Variants in MICAL3 observed in about 807,000 individuals in gnomAD.
MICAL3 encodes the protein [F-actin]-monooxygenase MICAL3.
MICAL3 carries 62 observed loss-of-function variants against 207.4 expected under a neutral mutation model. That is an observed-to-expected ratio of 0.30 (90% confidence interval 0.24 to 0.37). The LOEUF (loss-of-function observed/expected upper bound fraction) is 0.37. Ranked by LOEUF, MICAL3 falls within the 10% of genes least tolerant of loss-of-function variation. MICAL3 has a pLI of 1.00. For missense variants in MICAL3, 2,368 were observed against 2,635.6 expected (o/e 0.90, Z 2.22); for synonymous variants, 1,077 against 1,069.3 (o/e 1.01, Z -0.14).
chr22:17,987,951 C>T lies in MICAL3; in HGVS notation c.-75+36330G>A, dbSNP rs1275833964. On this transcript the variant is annotated intron_variant, in intron 1 of 31. Coordinates refer to ENST00000441493, the MANE Select transcript of MICAL3 (RefSeq NM_015241.3). Reference sequence around the variant, plus strand: ...GAAATTATATCAAAATAGAGTTGCCCTAAAGGTGGCTACCTGTGGCTCCAC... The same window carrying T: ...GAAATTATATCAAAATAGAGTTGCCTTAAAGGTGGCTACCTGTGGCTCCAC... Among the ~76,000 whole-genome samples the T allele has an allele frequency of 5.3e-5, 8 of 152,090 alleles. No individual in the cohort carries two copies. In the East Asian group the frequency reaches 1.5e-3, roughly 29 times the overall value.
chr22:17,989,898 T>C (rs1921469969), intron 1 of MICAL3, among the ~76,000 whole-genome samples: 1 of 152,190 alleles, frequency 6.6e-6, no homozygotes, highest in Non-Finnish European at 1.5e-5. Flanking sequence ...ACACCATCTA[T>C]GCCTATTTCA....
chr22:17,836,600 C>CATGAAAGA (rs903460734), intron 20 of MICAL3, among the ~76,000 whole-genome samples: 8 of 151,544 alleles, frequency 5.3e-5, no homozygotes, highest in African/African-American at 1.9e-4. Context: ...CAGACCCTAC[C>CATGAAAGA]ATGAAAGAGC....
intron 1 of MICAL3, among the ~76,000 whole-genome samples, chr22:17,925,655 T>C (rs1400054729): frequency 2.0e-5 from 3 of 152,152 alleles, no homozygotes; most frequent in Non-Finnish European, 4.4e-5. Flanking sequence ...ACCTGGAAAC[T>C]TAAACAATTT....
At chr22:17,798,767 G>A (rs552794928) in intron 29 of MICAL3, among the ~76,000 whole-genome samples, 146 of 145,872 alleles carry the variant, frequency 1.0e-3, no homozygotes, top group Non-Finnish European at 1.7e-3. Context: ...TCCGCCTCCC[G>A]GGTTCACGTC....
intron 3 of MICAL3, among the ~76,000 whole-genome samples, chr22:17,904,277 C>A (rs1931552331): frequency 6.6e-6 from 1 of 152,244 alleles, no homozygotes; most frequent in Non-Finnish European, 1.5e-5. Flanking sequence ...GCAAGAAGGA[C>A]CACCAGAGGG....
intron 1 of MICAL3, among the ~76,000 whole-genome samples, chr22:17,931,884 AC>A (rs1295485248): frequency 5.1e-4 from 77 of 151,186 alleles, no homozygotes; most frequent in African/African-American, 1.8e-3. Flanking sequence ...TTCATTTGGC[AC>A]ATTATTTATT....
chr22:18,006,845 C>A (rs438004), intron 1 of MICAL3, among the ~76,000 whole-genome samples: 87,007 of 151,890 alleles, frequency 0.57, 26,077 homozygotes, highest in East Asian at 0.92. Context: ...CACACACACA[C>A]AAAAAAATTC....
At chr22:17,852,462 A>G (rs1324783539) in intron 19 of MICAL3, among the ~76,000 whole-genome samples, 2 of 152,212 alleles carry the variant, frequency 1.3e-5, no homozygotes, top group Admixed American at 6.5e-5. Context: ...GAGAGGCTCT[A>G]AACAAGCAGA....
intron 16 of MICAL3, chr22:17,875,642 A>T: frequency 1.7e-6 from 1 of 583,614 alleles, no homozygotes; most frequent in Non-Finnish European, 2.9e-6. Flanking sequence ...ATGGTTGTAG[A>T]GCCTTTTACT....
In MICAL3 at chr22:17,872,031, A is replaced by G. The variant is rs1441033255; in HGVS notation, c.2242-8T>C. 1.3e-6 allele frequency: 2 copies of G among 1,594,270 alleles called. No homozygotes were observed. Among genetic ancestry groups the G allele is most frequent in the Non-Finnish European group, 1.7e-6 (2 of 1,170,506 alleles). On this transcript the variant is annotated splice_region_variant and splice_polypyrimidine_tract_variant and intron_variant, in intron 16 of 31. Transcript: ENST00000441493. Reference sequence around the variant, plus strand: ...CTCCTTCTTCATGGAGCCCTGCAGGAGGTGGCGGTCGGGAGGAAGGGGAGC... The same window carrying G: ...CTCCTTCTTCATGGAGCCCTGCAGGGGGTGGCGGTCGGGAGGAAGGGGAGC...
chr22:17,990,541 G>A (rs1200402277), intron 1 of MICAL3, among the ~76,000 whole-genome samples: 2 of 152,154 alleles, frequency 1.3e-5, no homozygotes, highest in African/African-American at 4.8e-5. Flanking sequence ...CACAGATGAG[G>A]AAACTGAGTC....
At chr22:18,018,156 G>A (rs1194598281) in intron 1 of MICAL3, among the ~76,000 whole-genome samples, 1 of 151,814 alleles carries the variant, frequency 6.6e-6, no homozygotes, top group Non-Finnish European at 1.5e-5. Flanking sequence ...TTACAAGCGT[G>A]AGCCACTGCG....
rs951793722 is a variant in MICAL3, at chr22:17,877,841, CCTT to C, written c.2242-5821_2242-5819del. 1.3e-4 allele frequency among the ~76,000 whole-genome samples: 20 copies of C among 152,194 alleles called. No individual in the cohort carries two copies. The East Asian group carries it at 2.3e-3, about 18-fold the overall frequency. The stretch of plus-strand genomic sequence containing the variant: ...CTCTCCTATTCAACATGCTCCCCTC[CCTT>C]CTTCTTTTTTTTGAGACCGAGTCTG... On this transcript the variant is annotated intron_variant, in intron 16 of 31. Transcript: ENST00000441493.
chr22:17,824,354 G>GCGC (rs957208784), intron 22 of MICAL3, among the ~76,000 whole-genome samples: 44 of 152,358 alleles, frequency 2.9e-4, no homozygotes, highest in African/African-American at 1.0e-3. Flanking sequence ...GGAACTGATG[G>GCGC]CGCCCGGTTA....
intron 1 of MICAL3, among the ~76,000 whole-genome samples, chr22:17,957,653 T>A (rs1028681563): frequency 7.2e-6 from 1 of 138,102 alleles, no homozygotes; most frequent in Non-Finnish European, 1.5e-5. Context: ...GAGGTTGCAG[T>A]GAGCTGAGAT....
intron 16 of MICAL3, chr22:17,884,406 A>C: frequency 7.2e-7 from 1 of 1,396,318 alleles, no homozygotes; most frequent in Non-Finnish European, 9.8e-7. Context: ...ATGGAGACAA[A>C]ACAAAATAAA....
chr22:17,824,047 G>A (rs531285163), intron 22 of MICAL3, among the ~76,000 whole-genome samples: 4 of 152,080 alleles, frequency 2.6e-5, no homozygotes, highest in East Asian at 3.9e-4. Flanking sequence ...CAAAACCCTC[G>A]ACAACTTCCC....
intron 25 of MICAL3, among the ~76,000 whole-genome samples, chr22:17,820,459 A>T (rs1328153997): frequency 2.6e-5 from 4 of 152,046 alleles, no homozygotes; most frequent in Non-Finnish European, 5.9e-5. Context: ...GGTTCATGCC[A>T]TTCTCCTGCC....
At chr22:18,019,898 G>A (rs1441306846) in intron 1 of MICAL3, 2 of 127,866 alleles carry the variant, frequency 1.6e-5, no homozygotes, top group African/African-American at 3.0e-5. Flanking sequence ...TGCAGGCTCC[G>A]CCCCCCGGGG....
Sources: allele counts gnomAD v4.1 joint callset (sites outside exome capture counted in the v4.1 genomes callset), GRCh38; gene constraint gnomAD v4.1.1; transcripts MANE v1.5; gene names NCBI Gene and HGNC (gene_info 2026-07-23, HGNC 2026-07-21).